ADAMTS3: variants seen among roughly 807,000 people sequenced by gnomAD.
The protein encoded by ADAMTS3 is A disintegrin and metalloproteinase with thrombospondin motifs 3.
In ADAMTS3, 73 loss-of-function variants were observed where a neutral mutation model predicts 129.0. That is an observed-to-expected ratio of 0.57 (90% CI 0.47 to 0.69). ADAMTS3 has a LOEUF of 0.69. Among genes scored for constraint, ADAMTS3 ranks in the 30% least tolerant of loss-of-function variants. The pLI is 0.00. For synonymous variants in ADAMTS3, 477 were observed against 510.8 expected, an observed-to-expected ratio of 0.93 and a Z score of 0.89; for missense variants, 1,457 against 1,514.5, an observed-to-expected ratio of 0.96 and a Z score of 0.63.
At chr4:72,484,771 G>A (rs895253109) in intron 3 of ADAMTS3, among the ~76,000 whole-genome samples, 5 of 152,050 alleles carry the variant, frequency 3.3e-5, no homozygotes, top group African/African-American at 1.2e-4. Context: ...TACCTTAAAG[G>A]TAGATACCTG....
chr4:72,397,307 G>A lies in ADAMTS3; in HGVS notation c.661+17508C>T, dbSNP rs138618554. 4.8e-3 allele frequency among the ~76,000 whole-genome samples: 723 copies of A among 152,052 alleles called. 9 individuals are homozygous for A. Among genetic ancestry groups the A allele is most frequent in the African/African-American group, 0.016 (673 of 41,470 alleles). On this transcript the variant is annotated intron_variant, in intron 4 of 21. Coordinates refer to ENST00000286657, the MANE Select transcript of ADAMTS3 (RefSeq NM_014243.3). ...TCAGCCGGGCGCAGTGGCTCACACC[G>A]TAATCCTAGCACTTTGGGAGGCCGA...
chr4:72,555,692 T>C (rs552558063), intron 2 of ADAMTS3, among the ~76,000 whole-genome samples: 1 of 151,948 alleles, frequency 6.6e-6, no homozygotes, highest in Non-Finnish European at 1.5e-5. Flanking sequence ...TTGGTATGTT[T>C]GGATCTGTGT....
chr4:72,291,395 TC>T (rs1288915519), intron 19 of ADAMTS3, among the ~76,000 whole-genome samples: 1 of 101,786 alleles, frequency 9.8e-6, no homozygotes, highest in Non-Finnish European at 2.0e-5. Context: ...ATACTATCCC[TC>T]CCCCTCCCCC....
chr4:72,529,531 A>G (rs1720905131), intron 3 of ADAMTS3, among the ~76,000 whole-genome samples: 1 of 149,600 alleles, frequency 6.7e-6, no homozygotes, highest in Non-Finnish European at 1.5e-5. Context: ...GCCTTACCCA[A>G]GACCAAATGA....
chr4:72,448,524 C>T (rs1427701950), intron 3 of ADAMTS3, among the ~76,000 whole-genome samples: 2 of 151,710 alleles, frequency 1.3e-5, no homozygotes, highest in African/African-American at 4.8e-5. Context: ...GTCCTGAAAT[C>T]ACAAAGCTCA....
chr4:72,288,136 G>A (rs971450474), intron 21 of ADAMTS3, among the ~76,000 whole-genome samples: 3 of 152,112 alleles, frequency 2.0e-5, no homozygotes, highest in African/African-American at 7.2e-5. Context: ...AAAGTGCTGG[G>A]ATTACAGGCA....
intron 4 of ADAMTS3, among the ~76,000 whole-genome samples, chr4:72,400,134 ATATGCACACATGGTGTGTATATATATG>A (rs1560501631): frequency 3.0e-5 from 4 of 135,290 alleles, no homozygotes; most frequent in Non-Finnish European, 1.6e-5. Context: ...ACGTGTGTAT[ATATGCACACATGGTGTGTATATATATG>A]TGTGTATATA....
intron 3 of ADAMTS3, among the ~76,000 whole-genome samples, chr4:72,451,573 G>A (rs1157428267): frequency 6.6e-6 from 1 of 151,752 alleles, no homozygotes. Context: ...ACATTTTTCA[G>A]ATCCAAAATT....
chr4:72,353,027 G>A (rs974455767), intron 4 of ADAMTS3, among the ~76,000 whole-genome samples: 30 of 152,054 alleles, frequency 2.0e-4, no homozygotes, highest in Middle Eastern at 6.8e-3. Flanking sequence ...GAATGTTTTC[G>A]TTCATTCTCA....
intron 4 of ADAMTS3, among the ~76,000 whole-genome samples, chr4:72,368,277 A>T (rs778048882): frequency 6.6e-6 from 1 of 152,220 alleles, no homozygotes; most frequent in Non-Finnish European, 1.5e-5. Flanking sequence ...GTGTGGTTTC[A>T]ACTCAGGCAC....
intron 8 of ADAMTS3, 52 bp from the exon 9 acceptor site, chr4:72,319,527 T>C (rs1719496733): frequency 6.4e-7 from 1 of 1,552,928 alleles, no homozygotes; most frequent in Non-Finnish European, 8.7e-7. Context: ...CTGCCTTCAC[T>C]TAATTTTGGT....
intron 3 of ADAMTS3, among the ~76,000 whole-genome samples, chr4:72,436,773 G>A (rs1337686061): frequency 4.0e-5 from 6 of 151,704 alleles, no homozygotes; most frequent in South Asian, 2.1e-4. Context: ...ACCAAACACC[G>A]CATGTTCTCA....
At chr4:72,465,629 T>C (rs572292804) in intron 3 of ADAMTS3, among the ~76,000 whole-genome samples, 96 of 152,116 alleles carry the variant, frequency 6.3e-4, no homozygotes, top group African/African-American at 2.3e-3. Flanking sequence ...TCTACCTTCA[T>C]GAAGTTTGGG....
At chr4:72,473,461 T>C (rs2128069) in intron 3 of ADAMTS3, among the ~76,000 whole-genome samples, 44,942 of 151,002 alleles carry the variant, frequency 0.3, 6,853 homozygotes, top group East Asian at 0.45. Flanking sequence ...AAAAAAAACA[T>C]GCTCTCTCTA....
chr4:72,286,443 C>T (rs1294831974), intron 21 of ADAMTS3, among the ~76,000 whole-genome samples: 1 of 152,100 alleles, frequency 6.6e-6, no homozygotes, highest in Non-Finnish European at 1.5e-5. Flanking sequence ...TATGTTCTTG[C>T]TATAATATAT....
chr4:72,568,978 C>T lies in ADAMTS3; in HGVS notation c.-216G>A. 1.7e-6 allele frequency: 1 copy of T among 602,634 alleles called. No homozygotes were observed. Among genetic ancestry groups the T allele is most frequent in the Non-Finnish European group, 3.0e-6 (1 of 337,328 alleles). The allele number at this position is 602,634 out of a possible 1,614,324, so 37.3% of individuals were successfully genotyped here. ...TGCAGTTTTTTCCACTTCACCTTCT[C>T]ACCCCGTCCTCCCAACACAGAGTGT... On this transcript the variant is annotated 5_prime_UTR_variant, in exon 1 of 22. Coordinates refer to ENST00000286657, the MANE Select transcript of ADAMTS3 (RefSeq NM_014243.3).
chr4:72,344,444 C>A (rs1720225483), intron 4 of ADAMTS3, among the ~76,000 whole-genome samples: 1 of 152,138 alleles, frequency 6.6e-6, no homozygotes, highest in Admixed American at 6.6e-5. Flanking sequence ...TATAAGCATA[C>A]TGTGATAGAG....
chr4:72,487,380 A>G lies in ADAMTS3; in HGVS notation c.504+61098T>C, dbSNP rs143911129. On this transcript the variant is annotated intron_variant, in intron 3 of 21. Transcript: ENST00000286657. ...TATTCTGACTCCATCACAAGAATCTATGATCTTCTTAAGAGGTGGCTTGGA... is the reference window on the plus strand; with the variant it reads ...TATTCTGACTCCATCACAAGAATCTGTGATCTTCTTAAGAGGTGGCTTGGA... Among the ~76,000 whole-genome samples the G allele has an allele frequency of 4.9e-3, 739 of 152,250 alleles. 1 individual carries two copies. The highest frequency in any genetic ancestry group is 0.017 in the African/African-American group (703 of 41,582).
chr4:72,414,883 T>C lies in ADAMTS3; in HGVS notation c.593A>G (p.His198Arg). 6.3e-7 allele frequency: 1 copy of C among 1,584,756 alleles called. No homozygotes were observed. The highest frequency in any genetic ancestry group is 2.4e-5 in the East Asian group (1 of 42,132). ...TACAGCTGATCTCTTGTAGACAACA[T>C]GAATCCTTCCTTTTTCTTCCTCCAT... Reference protein sequence around the residue: ...KQMEEEKGRIHVVYKRSAVEQ... With the variant: ...KQMEEEKGRIRVVYKRSAVEQ... Residue 198 changes from histidine to arginine, a missense_variant, in exon 4 of 22, where the codon CAT becomes CGT. Transcript: ENST00000286657.
Sources: gnomAD v4.1 joint callset for allele counts (sites outside exome capture counted in the v4.1 genomes callset) on GRCh38, gnomAD v4.1.1 for gene constraint, MANE v1.5 for transcripts, NCBI Gene and HGNC (gene_info 2026-07-23, HGNC 2026-07-21) for gene names.